The following ADGB variants were observed in gnomAD, a reference collection of about 807,000 sequenced individuals.
The protein encoded by ADGB is calpain-7-like protein.
In ADGB, 172 loss-of-function variants were observed where a neutral mutation model predicts 210.5. The observed-to-expected ratio is 0.82, with a 90% CI of 0.72 to 0.93. ADGB has a LOEUF of 0.93. Ranked by LOEUF, ADGB falls within the 40% of genes least tolerant of loss-of-function variation. The pLI, the probability that ADGB is intolerant of heterozygous loss-of-function variation, is 0.00. For synonymous variants in ADGB, 658 were observed against 662.7 expected (o/e 0.99, Z 0.11); for missense variants, 2,025 against 1,964.8 (o/e 1.03, Z -0.58).
intron 9 of ADGB, among the ~76,000 whole-genome samples, chr6:146,679,562 C>T (rs1299175566): frequency 6.6e-6 from 1 of 152,156 alleles, no homozygotes; most frequent in South Asian, 2.1e-4. Context: ...AGACCTTTTT[C>T]CTGGCATAAA....
chr6:146,740,529 G>T lies in ADGB; in HGVS notation c.2959G>T (p.Ala987Ser), dbSNP rs1777150084. The change falls in exon 24 of 36, where the codon GCT (alanine) becomes TCT (serine). Residue 987 changes from alanine (A) to serine (S), a missense_variant. Coordinates refer to ENST00000397944, the MANE Select transcript of ADGB (RefSeq NM_024694.4). ...PCYQDEETKI[A>S]FADYTVTYQE... is the part of the protein sequence containing the mutation. ...CTATCAAGATGAAGAAACTAAGATT[G>T]CTTTTGCAGATTATACTGTGACTTA... is the stretch of plus-strand genomic sequence containing the variant. 1.3e-6 allele frequency: 2 copies of T among 1,550,424 alleles called. No homozygotes were observed. Among genetic ancestry groups the T allele is most frequent in the African/African-American group, 2.7e-5 (2 of 73,132 alleles).
At chr6:146,690,981 A>G in intron 10 of ADGB, 135 bp from the exon 11 acceptor site, 1 of 523,818 alleles carries the variant, frequency 1.9e-6, no homozygotes, top group East Asian at 3.3e-5. Flanking sequence ...GCTTATATTA[A>G]GAGAGGTAGA....
Position 146,741,152 on chromosome 6 carries a change from G to A in ADGB, c.3058G>A (p.Val1020Ile), listed in dbSNP as rs1777158746. The change falls in exon 25 of 36, where the codon GTT becomes ATT. Residue 1020 changes from valine (V) to isoleucine (I), a missense_variant. Physicochemically the swap from Val to Ile is conservative, Grantham distance 29. Transcript: ENST00000397944. The part of the protein sequence containing the change: ...TFLVHQDMIL[V>I]PKVYTTLPIC... Reference sequence around the variant, plus strand: ...TTTGGTTCATCAAGACATGATTTTGGTTCCCAAAGTATATACTACACTTCC... The same window carrying A: ...TTTGGTTCATCAAGACATGATTTTGATTCCCAAAGTATATACTACACTTCC... 2.0e-6 allele frequency: 3 copies of A among 1,533,134 alleles called. No homozygotes were observed. In the South Asian group the frequency reaches 3.7e-5, roughly 19 times the overall value. 95.0% of individuals were successfully genotyped at this position (1,533,134 alleles called of 1,614,324 possible).
intron 1 of ADGB, among the ~76,000 whole-genome samples, chr6:146,620,698 A>G (rs1327746473): frequency 6.6e-6 from 1 of 151,796 alleles, no homozygotes; most frequent in Non-Finnish European, 1.5e-5. Context: ...ATTGTTTTCC[A>G]AATTTTATTT....
In ADGB at chr6:146,629,716, A is replaced by C. The variant is rs1781031447; in HGVS notation, c.75-5659A>C. Among the ~76,000 whole-genome samples the C allele has an allele frequency of 2.0e-5, 3 of 152,140 alleles. 1 individual carries two copies. The highest frequency in any genetic ancestry group is 2.0e-4 in the Admixed American group (3 of 15,264). On this transcript the variant is annotated intron_variant, in intron 1 of 35. Coordinates refer to ENST00000397944, the MANE Select transcript of ADGB (RefSeq NM_024694.4). ...CTTGTGTCAATACTCTATACAACAG[A>C]GATATTGTAATATGCTAATTTATGC... is the stretch of plus-strand genomic sequence containing the variant.
intron 13 of ADGB, 98 bp downstream of exon 13, chr6:146,701,168 C>T: frequency 3.1e-6 from 4 of 1,302,990 alleles, no homozygotes; most frequent in Non-Finnish European, 4.3e-6. Flanking sequence ...GAATGTATAA[C>T]ATGGATCTGA....
intron 1 of ADGB, among the ~76,000 whole-genome samples, chr6:146,625,527 G>A (rs563445078): frequency 3.3e-5 from 5 of 152,206 alleles, no homozygotes; most frequent in African/African-American, 1.2e-4. Flanking sequence ...AGGTGTTTGG[G>A]TCATGGGAGT....
intron 25 of ADGB, among the ~76,000 whole-genome samples, chr6:146,744,915 TA>T (rs1777207594): frequency 6.6e-6 from 1 of 152,198 alleles, no homozygotes; most frequent in African/African-American, 2.4e-5. Context: ...TTTAATTCAG[TA>T]GTACAATGAA....
intron 35 of ADGB, among the ~76,000 whole-genome samples, chr6:146,808,943 A>G (rs1313539388): frequency 1.3e-5 from 2 of 151,932 alleles, no homozygotes; most frequent in Non-Finnish European, 2.9e-5. Flanking sequence ...CCAAGTGGCC[A>G]TTGCGATCGT....
intron 33 of ADGB, among the ~76,000 whole-genome samples, chr6:146,793,438 G>C (rs761112882): frequency 2.6e-5 from 4 of 152,160 alleles, no homozygotes; most frequent in Non-Finnish European, 2.9e-5. Context: ...CTGCTGGATG[G>C]GGGCAAAGAA....
chr6:146,802,026 A>G lies in ADGB; in HGVS notation c.4818+15A>G, dbSNP rs1165362723. The G allele has an allele frequency of 2.7e-6, 4 of 1,472,568 alleles. No homozygotes were observed. The highest frequency in any genetic ancestry group is 3.6e-6 in the Non-Finnish European group (4 of 1,113,622). The allele number at this position is 1,472,568 out of a possible 1,614,324, so 91.2% of individuals were successfully genotyped here. A position where few individuals can be genotyped will look rare whatever the true frequency, so the allele number is the denominator to read the frequency against. On this transcript the variant is annotated intron_variant, in intron 35 of 35. Transcript: ENST00000397944. ...AGGAAATGCAGGTGAGTCTAAAAGC[A>G]CATACATAGATTATAGTTGGCAAAT...
intron 1 of ADGB, among the ~76,000 whole-genome samples, chr6:146,625,984 G>A (rs375037508): frequency 2.6e-5 from 4 of 151,194 alleles, no homozygotes; most frequent in African/African-American, 2.4e-5. Context: ...TCTCTTTCTT[G>A]TGTTCTTATC....
At chr6:146,756,090 C>T (rs1234676047) in intron 27 of ADGB, among the ~76,000 whole-genome samples, 3 of 152,004 alleles carry the variant, frequency 2.0e-5, no homozygotes, top group Admixed American at 1.3e-4. Context: ...AGCTGAGCAA[C>T]AGATCACTGC....
intron 1 of ADGB, among the ~76,000 whole-genome samples, chr6:146,603,090 C>T (rs956125928): frequency 6.6e-6 from 1 of 152,090 alleles, no homozygotes; most frequent in Non-Finnish European, 1.5e-5. Flanking sequence ...TAATTACCTC[C>T]CAAGGGCCCC....
intron 1 of ADGB, among the ~76,000 whole-genome samples, chr6:146,626,803 T>A: frequency 6.6e-6 from 1 of 152,078 alleles, no homozygotes; most frequent in Admixed American, 6.6e-5. Flanking sequence ...TCTGTAGGTT[T>A]ATAGTTTTCA....
chr6:146,656,497 G>A (rs138125221), intron 4 of ADGB, among the ~76,000 whole-genome samples: 124 of 152,182 alleles, frequency 8.1e-4, no homozygotes, highest in African/African-American at 2.8e-3. Context: ...AATAGAAGTC[G>A]TGCCAAATCA....
chr6:146,719,502 G>A (rs749819432), intron 16 of ADGB, among the ~76,000 whole-genome samples: 2 of 152,070 alleles, frequency 1.3e-5, no homozygotes, highest in Non-Finnish European at 2.9e-5. Context: ...AATCTTAATG[G>A]CATTTAGCAT....
chr6:146,714,827 C>T (rs1266715339), intron 13 of ADGB, among the ~76,000 whole-genome samples: 1 of 152,120 alleles, frequency 6.6e-6, no homozygotes, highest in African/African-American at 2.4e-5. Flanking sequence ...GTTGACATTA[C>T]CTGTAATTAG....
intron 28 of ADGB, among the ~76,000 whole-genome samples, chr6:146,765,938 A>G (rs753163425): frequency 2.0e-5 from 3 of 152,106 alleles, no homozygotes; most frequent in Non-Finnish European, 4.4e-5. Flanking sequence ...AACCCAGGGT[A>G]CTTTTAAAGA....
Sources: gnomAD v4.1 joint callset for allele counts (sites outside exome capture counted in the v4.1 genomes callset) on GRCh38, gnomAD v4.1.1 for gene constraint, MANE v1.5 for transcripts, NCBI Gene and HGNC (gene_info 2026-07-23, HGNC 2026-07-21) for gene names.